The following TAFA5 variants were observed in gnomAD, a reference collection of about 807,000 sequenced individuals.
TAFA5 encodes TAFA chemokine like family member 5, also known as chemokine-like protein TAFA-5.
TAFA5 carries 6 observed loss-of-function variants against 15.3 expected under a neutral mutation model. That is an observed-to-expected ratio of 0.39 (90% CI 0.21 to 0.77). TAFA5 has a LOEUF of 0.77. Ranked by LOEUF, TAFA5 falls within the 30% of genes least tolerant of loss-of-function variation. The pLI is 0.41. For missense variants in TAFA5, 161 were observed against 193.1 expected, an observed-to-expected ratio of 0.83 and a Z score of 0.98; for synonymous variants, 103 against 80.7, an observed-to-expected ratio of 1.28 and a Z score of -1.48.
chr22:48,503,682 G>A (rs1329823732), intron 1 of TAFA5, among the ~76,000 whole-genome samples: 1 of 152,212 alleles, frequency 6.6e-6, no homozygotes, highest in Non-Finnish European at 1.5e-5. Context: ...TTTGCTGAAG[G>A]TGGTCATTTT....
chr22:48,617,976 T>A (rs1487952180), intron 1 of TAFA5, among the ~76,000 whole-genome samples: 1 of 152,198 alleles, frequency 6.6e-6, no homozygotes, highest in Non-Finnish European at 1.5e-5. Context: ...GGCGCGGTTT[T>A]TATGGCCATT....
chr22:48,746,521 C>T (rs73177122), intron 3 of TAFA5, among the ~76,000 whole-genome samples: 7 of 152,288 alleles, frequency 4.6e-5, no homozygotes, highest in South Asian at 4.1e-4. Context: ...GAGATGCTCA[C>T]GTGGTGCTGG....
chr22:48,630,605 T>A (rs1280569090), intron 1 of TAFA5, among the ~76,000 whole-genome samples: 2 of 152,132 alleles, frequency 1.3e-5, no homozygotes, highest in African/African-American at 4.8e-5. Flanking sequence ...GTGGACCCAG[T>A]GAGGCGCTAA....
chr22:48,709,503 T>C (rs1341067221), intron 3 of TAFA5, among the ~76,000 whole-genome samples: 2 of 152,178 alleles, frequency 1.3e-5, no homozygotes, highest in East Asian at 3.9e-4. Flanking sequence ...AGGCGCAGCC[T>C]TTCGTTTCCC....
chr22:48,537,297 C>T (rs943582914), intron 1 of TAFA5, among the ~76,000 whole-genome samples: 12 of 152,202 alleles, frequency 7.9e-5, no homozygotes, highest in African/African-American at 2.7e-4. Flanking sequence ...CCGCTCTGTT[C>T]TTGGTGCATT....
At chr22:48,694,638 GTACTGC>G (rs1928644687) in intron 2 of TAFA5, among the ~76,000 whole-genome samples, 1 of 151,994 alleles carries the variant, frequency 6.6e-6, no homozygotes. Context: ...TGGGTATCTG[GTACTGC>G]TCCCGGGCAG....
intron 1 of TAFA5, among the ~76,000 whole-genome samples, chr22:48,586,754 T>C (rs1390848352): frequency 1.3e-5 from 2 of 152,216 alleles, no homozygotes; most frequent in East Asian, 1.9e-4. Flanking sequence ...GTCTGGAATC[T>C]TCCATGCACA....
intron 1 of TAFA5, chr22:48,576,524 T>C: frequency 1.3e-6 from 2 of 1,515,046 alleles, no homozygotes. Context: ...GGGGCCGCGC[T>C]CTGCTGCTTC....
chr22:48,582,560 CACCACACACAAAATACGCCACAT>C (rs1569034261), intron 1 of TAFA5, among the ~76,000 whole-genome samples: 1 of 150,508 alleles, frequency 6.6e-6, no homozygotes, highest in Non-Finnish European at 1.5e-5. Context: ...ACACAAAATA[CACCACACACAAAATACGCCACAT>C]ACCACACACA....
intron 3 of TAFA5, among the ~76,000 whole-genome samples, chr22:48,724,260 G>A (rs1371946077): frequency 6.6e-6 from 1 of 152,236 alleles, no homozygotes; most frequent in Non-Finnish European, 1.5e-5. Context: ...TTGTTTTGTT[G>A]TTGGTTAGAT....
chr22:48,524,851 A>G (rs1601847859), intron 1 of TAFA5, among the ~76,000 whole-genome samples: 1 of 152,026 alleles, frequency 6.6e-6, no homozygotes, highest in Non-Finnish European at 1.5e-5. Context: ...CACTGGCAGG[A>G]CCTTCTGCAC....
chr22:48,749,810 C>G, intron 3 of TAFA5, 29 bp from the exon 4 acceptor site: 2 of 1,560,258 alleles, frequency 1.3e-6, no homozygotes, highest in Non-Finnish European at 8.7e-7. Context: ...CTGCAGGAGG[C>G]TCACCCTCTC....
intron 2 of TAFA5, among the ~76,000 whole-genome samples, chr22:48,696,653 C>T (rs1197805061): frequency 6.6e-6 from 1 of 152,248 alleles, no homozygotes; most frequent in Non-Finnish European, 1.5e-5. Context: ...GGTGTCCAGG[C>T]AGCTGATGGC....
In TAFA5 at chr22:48,560,014, T is replaced by C. The variant is rs978388420; in HGVS notation, c.112+70310T>C. ...GTGGGTGTGAGGGTCTGGGCAGGAG[T>C]GACTGCAGGGTCTTCTTTCTATGCA... On this transcript the variant is annotated intron_variant, in intron 1 of 3. Coordinates refer to ENST00000402357, the MANE Select transcript of TAFA5 (RefSeq NM_001082967.3). The surrounding 1 kb of genome is among the most constrained non-coding windows in gnomAD (Gnocchi z 4.2). Among the ~76,000 whole-genome samples, 2 of 151,922 alleles carry C rather than the reference T, an allele frequency of 1.3e-5. No homozygotes were observed. The highest frequency in any genetic ancestry group is 4.8e-5 in the African/African-American group (2 of 41,362).
intron 1 of TAFA5, among the ~76,000 whole-genome samples, chr22:48,510,759 C>T (rs1921180968): frequency 6.6e-6 from 1 of 152,240 alleles, no homozygotes. Flanking sequence ...GGAACAACAT[C>T]AAGGAAGAGG....
At chr22:48,546,059 T>G (rs1601570051) in intron 1 of TAFA5, among the ~76,000 whole-genome samples, 1 of 152,250 alleles carries the variant, frequency 6.6e-6, no homozygotes, top group Middle Eastern at 3.4e-3. Context: ...TGCTCGGTTT[T>G]GGGGCTGGCC....
chr22:48,576,712 C>A, intron 1 of TAFA5: 1 of 1,042,762 alleles, frequency 9.6e-7, no homozygotes, highest in Non-Finnish European at 1.2e-6. Context: ...GGGCCCGGAG[C>A]GGCCGGCGGC....
intron 1 of TAFA5, among the ~76,000 whole-genome samples, chr22:48,609,947 T>G (rs1464449966): frequency 1.3e-5 from 2 of 152,220 alleles, no homozygotes; most frequent in Non-Finnish European, 2.9e-5. Context: ...CATATTGGAT[T>G]GAGGCCCACC....
At chr22:48,595,657 C>T (rs769637343) in intron 1 of TAFA5, among the ~76,000 whole-genome samples, 1 of 152,248 alleles carries the variant, frequency 6.6e-6, no homozygotes, top group Non-Finnish European at 1.5e-5. Flanking sequence ...GGGCAACCTG[C>T]CCATCAGGCT....
Sources: allele counts gnomAD v4.1 joint callset (sites outside exome capture counted in the v4.1 genomes callset), GRCh38; gene constraint gnomAD v4.1.1; non-coding constraint Gnocchi (gnomAD v3.1); transcripts MANE v1.5; gene names NCBI Gene and HGNC (gene_info 2026-07-23, HGNC 2026-07-21).